Variants in FHIT observed in about 807,000 individuals in gnomAD.
FHIT encodes the protein bis(5'-adenosyl)-triphosphatase.
Under a neutral mutation model 17.9 loss-of-function variants are expected in FHIT, and 19 were observed. The ratio of observed to expected loss-of-function variants is 1.06; its 90% CI spans 0.74 to 1.56. The LOEUF is 1.56. Ranked by LOEUF, FHIT falls within the 40% of genes most tolerant of loss-of-function variation. The pLI is 0.00. For missense variants in FHIT, 248 were observed against 189.2 expected, an observed-to-expected ratio of 1.31 and a Z score of -1.82; for synonymous variants, 81 against 69.7, an observed-to-expected ratio of 1.16 and a Z score of -0.81.
chr3:60,205,939 T>C (rs1331274050), intron 5 of FHIT, among the ~76,000 whole-genome samples: 1 of 150,976 alleles, frequency 6.6e-6, no homozygotes, highest in Admixed American at 6.6e-5. Flanking sequence ...AAACCCCGTC[T>C]CTACTAAAAA....
chr3:60,759,464 A>C (rs560773224), intron 4 of FHIT, among the ~76,000 whole-genome samples: 40 of 152,336 alleles, frequency 2.6e-4, no homozygotes, highest in African/African-American at 9.1e-4. Flanking sequence ...ATCAGTATTT[A>C]ACCTTGACAG....
At chr3:61,107,609 A>G (rs1046951654) in intron 2 of FHIT, among the ~76,000 whole-genome samples, 5 of 152,278 alleles carry the variant, frequency 3.3e-5, no homozygotes, top group African/African-American at 9.6e-5. Flanking sequence ...CTTTTTCTCT[A>G]CAGCTCAGCA....
At chr3:60,618,984 T>C (rs1198898093) in intron 4 of FHIT, among the ~76,000 whole-genome samples, 1 of 152,082 alleles carries the variant, frequency 6.6e-6, no homozygotes, top group Non-Finnish European at 1.5e-5. Flanking sequence ...CTGGTACCTT[T>C]TCAGCCCAGT....
At chr3:60,838,323 T>C (rs553631619) in intron 3 of FHIT, among the ~76,000 whole-genome samples, 1 of 152,028 alleles carries the variant, frequency 6.6e-6, no homozygotes, top group South Asian at 2.1e-4. Context: ...ATACAAAAAA[T>C]TAGCCGGGCG....
intron 3 of FHIT, among the ~76,000 whole-genome samples, chr3:60,853,499 T>G (rs2106923021): frequency 6.6e-6 from 1 of 152,146 alleles, no homozygotes; most frequent in Non-Finnish European, 1.5e-5. Context: ...AAAACAAACC[T>G]TGGGTGAAGC....
chr3:60,856,316 C>G (rs1459361043), intron 3 of FHIT: 1 of 152,098 alleles, frequency 6.6e-6, no homozygotes, highest in Non-Finnish European at 1.5e-5. Context: ...TAACCCTACT[C>G]CAAGGCTTCC....
rs188285442 is a variant in FHIT, at chr3:60,926,775, T to C, written c.-110-104764A>G. On this transcript the variant is annotated intron_variant, in intron 3 of 9. Transcript: ENST00000492590. ...ATCAATGAATCCAGGAGCTGGTTTT[T>C]TGAAAAGATCAACAAAATTGATAGA... Among the ~76,000 whole-genome samples the C allele has an allele frequency of 6.7e-4, 102 of 152,246 alleles. 1 individual carries two copies. Among genetic ancestry groups the C allele is most frequent in the African/African-American group, 2.3e-3 (94 of 41,534 alleles).
intron 5 of FHIT, among the ~76,000 whole-genome samples, chr3:60,270,865 T>C (rs1438551536): frequency 2.6e-5 from 4 of 152,152 alleles, no homozygotes. Flanking sequence ...ATATCTGCTG[T>C]TAAAACACAG....
At chr3:59,787,893 CCCTTCCTAGCTA>C (rs1699382780) in intron 8 of FHIT, among the ~76,000 whole-genome samples, 1 of 152,160 alleles carries the variant, frequency 6.6e-6, no homozygotes. Flanking sequence ...TTTCTACAAA[CCCTTCCTAGCTA>C]CCATCTATGT....
At chr3:59,797,594 G>A (rs762911345) in intron 8 of FHIT, among the ~76,000 whole-genome samples, 3 of 152,066 alleles carry the variant, frequency 2.0e-5, no homozygotes, top group Non-Finnish European at 4.4e-5. Context: ...GTAGTTCTGG[G>A]TTTCTCCTGT....
chr3:60,340,985 G>A (rs567651544), intron 5 of FHIT, among the ~76,000 whole-genome samples: 5 of 152,160 alleles, frequency 3.3e-5, no homozygotes, highest in East Asian at 3.9e-4. Flanking sequence ...CACTGCACCC[G>A]GCCTATATGA....
At chr3:60,550,508 C>G (rs2036511037) in intron 4 of FHIT, among the ~76,000 whole-genome samples, 1 of 152,034 alleles carries the variant, frequency 6.6e-6, no homozygotes, top group Non-Finnish European at 1.5e-5. Flanking sequence ...CAAAGAAAAT[C>G]CAAAACCTCA....
intron 8 of FHIT, among the ~76,000 whole-genome samples, chr3:59,900,259 G>T (rs1704267071): frequency 6.6e-6 from 1 of 152,198 alleles, no homozygotes; most frequent in Non-Finnish European, 1.5e-5. Context: ...GGCATGAGGA[G>T]AGTGAGCCTC....
chr3:60,857,995 T>G (rs1337992921), intron 3 of FHIT, among the ~76,000 whole-genome samples: 1 of 152,188 alleles, frequency 6.6e-6, no homozygotes, highest in African/African-American at 2.4e-5. Context: ...AGTATTACTA[T>G]GGGTGTTATT....
chr3:61,007,620 C>T (rs1457003975), intron 3 of FHIT, among the ~76,000 whole-genome samples: 3 of 152,206 alleles, frequency 2.0e-5, no homozygotes, highest in African/African-American at 7.2e-5. Flanking sequence ...CTCACTCTGA[C>T]ACAAAATTGT....
At chr3:60,748,764 A>G (rs1445619934) in intron 4 of FHIT, among the ~76,000 whole-genome samples, 1 of 152,196 alleles carries the variant, frequency 6.6e-6, no homozygotes, top group African/African-American at 2.4e-5. Flanking sequence ...GTGAGCCTAG[A>G]TTGAGCCACT....
chr3:60,726,119 T>C (rs2041912226), intron 4 of FHIT, among the ~76,000 whole-genome samples: 1 of 152,148 alleles, frequency 6.6e-6, no homozygotes, highest in African/African-American at 2.4e-5. Flanking sequence ...GTAGATGACA[T>C]TCCCAGTTCT....
intron 2 of FHIT, among the ~76,000 whole-genome samples, chr3:61,131,234 G>C (rs2036754853): frequency 1.3e-5 from 2 of 152,156 alleles, no homozygotes; most frequent in Admixed American, 1.3e-4. Context: ...CACAGAGTGA[G>C]TACTCAGTAC....
intron 8 of FHIT, among the ~76,000 whole-genome samples, chr3:59,786,296 A>AC (rs1469848425): frequency 6.6e-6 from 1 of 151,930 alleles, no homozygotes; most frequent in Non-Finnish European, 1.5e-5. Context: ...TCAGAATTTG[A>AC]CCCCCACTGG....
Sources: allele counts gnomAD v4.1 joint callset (sites outside exome capture counted in the v4.1 genomes callset), GRCh38; gene constraint gnomAD v4.1.1; transcripts MANE v1.5; gene names NCBI Gene and HGNC (gene_info 2026-07-23, HGNC 2026-07-21).